The following TFCP2L1 variants were observed in gnomAD, a reference collection of about 807,000 sequenced individuals.
TFCP2L1 encodes the protein transcription factor CP2 like 1, also known as transcription factor CP2-like protein 1.
A neutral mutation model predicts 72.2 loss-of-function variants in TFCP2L1; 12 were observed. The observed-to-expected ratio is 0.17, with a 90% CI of 0.11 to 0.27. TFCP2L1 has a LOEUF of 0.27. Ranked by LOEUF, TFCP2L1 falls within the 10% of genes least tolerant of loss-of-function variation. The pLI is 1.00. For synonymous variants in TFCP2L1, 260 were observed against 251.0 expected, an observed-to-expected ratio of 1.04 and a Z score of -0.34; for missense variants, 488 against 624.6, an observed-to-expected ratio of 0.78 and a Z score of 2.33.
chr2:121,261,921 G>A (rs1237967616), intron 2 of TFCP2L1, among the ~76,000 whole-genome samples: 1 of 152,166 alleles, frequency 6.6e-6, no homozygotes, highest in Non-Finnish European at 1.5e-5. Context: ...CACTGCTGGG[G>A]ATACGATGTC....
intron 14 of TFCP2L1, 130 bp from the exon 15 acceptor site, chr2:121,224,517 C>A: frequency 1.2e-6 from 1 of 835,178 alleles, no homozygotes; most frequent in Non-Finnish European, 1.9e-6. Flanking sequence ...TACAGCAAAG[C>A]GTGCTGGCAG....
intron 13 of TFCP2L1, among the ~76,000 whole-genome samples, chr2:121,228,696 G>A (rs977082797): frequency 1.3e-5 from 2 of 149,250 alleles, no homozygotes; most frequent in African/African-American, 4.9e-5. Context: ...AGCCCAGGAG[G>A]TCGAGGCTGC....
chr2:121,252,449 G>A (rs79034266), intron 2 of TFCP2L1, among the ~76,000 whole-genome samples: 6,562 of 152,162 alleles, frequency 0.043, 217 homozygotes, highest in East Asian at 0.13. Context: ...CCTAATCCCC[G>A]GAACCTGGAA....
chr2:121,279,312 A>G (rs1298494944), intron 2 of TFCP2L1, among the ~76,000 whole-genome samples: 2 of 152,246 alleles, frequency 1.3e-5, no homozygotes, highest in African/African-American at 4.8e-5. Flanking sequence ...CTTCCATGAA[A>G]GTGAAAGGCA....
At chr2:121,267,955 A>G (rs1277877497) in intron 2 of TFCP2L1, among the ~76,000 whole-genome samples, 2 of 152,212 alleles carry the variant, frequency 1.3e-5, no homozygotes, top group African/African-American at 4.8e-5. Context: ...CCAAAGCAGG[A>G]GTTCAACACC....
chr2:121,251,024 T>A (rs552359922), intron 2 of TFCP2L1, among the ~76,000 whole-genome samples: 1 of 151,932 alleles, frequency 6.6e-6, no homozygotes, highest in African/African-American at 2.4e-5. Context: ...AGCACCCAGC[T>A]GAGGCAGGTG....
At chr2:121,232,018 T>C (rs780424792) in intron 12 of TFCP2L1, 50 bp from the exon 13 acceptor site, 1 of 1,535,458 alleles carries the variant, frequency 6.5e-7, no homozygotes, top group Non-Finnish European at 8.8e-7. Context: ...ATTCTGTCAG[T>C]GTGAGCCTCC....
intron 10 of TFCP2L1, among the ~76,000 whole-genome samples, chr2:121,235,643 C>T (rs957128360): frequency 4.1e-5 from 6 of 146,782 alleles, no homozygotes; most frequent in South Asian, 2.2e-4. Context: ...TGGTCTTGAA[C>T]TCCTGGGCTC....
intron 7 of TFCP2L1, 78 bp from the exon 8 acceptor site, chr2:121,239,727 T>C (rs1367029538): frequency 3.6e-6 from 5 of 1,376,430 alleles, no homozygotes; most frequent in Admixed American, 4.2e-5. Context: ...CAAGCAGGCA[T>C]GCACTGACAC....
At chr2:121,246,224 G>A (rs183940489) in intron 6 of TFCP2L1, among the ~76,000 whole-genome samples, 7 of 152,338 alleles carry the variant, frequency 4.6e-5, no homozygotes, top group Admixed American at 1.3e-4. Context: ...GAGCTCTATC[G>A]TTGGCTACTA....
chr2:121,258,774 T>C (rs1468563163), intron 2 of TFCP2L1, among the ~76,000 whole-genome samples: 1 of 152,120 alleles, frequency 6.6e-6, no homozygotes, highest in Non-Finnish European at 1.5e-5. Flanking sequence ...CTGAACTGGG[T>C]CTGGATCAAG....
In TFCP2L1 at chr2:121,239,620, C is replaced by A. The variant is rs1459308446; in HGVS notation, c.798G>T (p.Gln266His). The A allele has an allele frequency of 1.9e-6, 3 of 1,614,208 alleles. No homozygotes were observed. Among genetic ancestry groups the A allele is most frequent in the South Asian group, 2.2e-5 (2 of 91,078 alleles). ...AGCTTGGGGACGGGGCGCTGTTCAC[C>A]TGGTAGGCCACGTCGGGCCATGGAG... ...ECSPWPDVAYQVNSAPSPSYN... is the reference protein window; with the variant it reads ...ECSPWPDVAYHVNSAPSPSYN... Residue 266 changes from glutamine (Q) to histidine (H), a missense_variant, in exon 8 of 15, where the codon CAG becomes CAT. Coordinates refer to ENST00000263707, the MANE Select transcript of TFCP2L1 (RefSeq NM_014553.3).
At chr2:121,244,127 ACTC>A (rs1487066076) in intron 6 of TFCP2L1, among the ~76,000 whole-genome samples, 1 of 151,178 alleles carries the variant, frequency 6.6e-6, no homozygotes, top group Non-Finnish European at 1.5e-5. Context: ...CTCTCAGGAG[ACTC>A]CTCCTCCCTG....
intron 2 of TFCP2L1, among the ~76,000 whole-genome samples, chr2:121,251,315 G>A (rs369445220): frequency 1.8e-4 from 27 of 151,572 alleles, no homozygotes; most frequent in African/African-American, 5.3e-4. Context: ...CATCCCCCAC[G>A]GTGGCATCTG....
At chr2:121,250,969 GT>G (rs1045117104) in intron 2 of TFCP2L1, among the ~76,000 whole-genome samples, 9 of 150,494 alleles carry the variant, frequency 6.0e-5, no homozygotes, top group Non-Finnish European at 1.3e-4. Context: ...CTCTTAAGAA[GT>G]TACAAAAATA....
chr2:121,248,507 C>T (rs143610836), intron 4 of TFCP2L1, among the ~76,000 whole-genome samples: 1 of 152,300 alleles, frequency 6.6e-6, no homozygotes, highest in East Asian at 1.9e-4. Flanking sequence ...TATGACCGTG[C>T]TTGGCTGCCT....
chr2:121,239,476 G>A (rs571100712), intron 8 of TFCP2L1, 82 bp downstream of exon 8: 4 of 1,470,638 alleles, frequency 2.7e-6, no homozygotes, highest in African/African-American at 2.8e-5. Flanking sequence ...GAAAGGAGAG[G>A]AGACCCAGAA....
In TFCP2L1 at chr2:121,222,255, G is replaced by T. The variant is rs1009290149; in HGVS notation, c.*2086C>A. ...AAACAGTCTGGCAGTTTCTCAAAAA[G>T]TTAAAACACGGAGTTACTGTAAGAC... is the stretch of plus-strand genomic sequence containing the variant. On this transcript the variant is annotated 3_prime_UTR_variant, in exon 15 of 15. Coordinates refer to ENST00000263707, the MANE Select transcript of TFCP2L1 (RefSeq NM_014553.3). 6.6e-6 allele frequency: 1 copy of T among 152,230 alleles called. No homozygotes were observed. The highest frequency in any genetic ancestry group is 1.5e-5 in the Non-Finnish European group (1 of 68,042). 9.4% of individuals were successfully genotyped at this position (152,230 alleles called of 1,614,324 possible).
chr2:121,279,647 G>A lies in TFCP2L1; in HGVS notation c.214+1473C>T, dbSNP rs115172345. 3.2e-3 allele frequency among the ~76,000 whole-genome samples: 480 copies of A among 152,350 alleles called. 3 individuals are homozygous for A. The highest frequency in any genetic ancestry group is 0.011 in the African/African-American group (441 of 41,572). ...TTCAGCAGTAAGCAGAGAGCCTGAT[G>A]ACCAAGTTGGACTTCCACCCTGGCT... On this transcript the variant is annotated intron_variant, in intron 2 of 14. Coordinates refer to ENST00000263707, the MANE Select transcript of TFCP2L1 (RefSeq NM_014553.3).
Sources: allele counts gnomAD v4.1 joint callset (sites outside exome capture counted in the v4.1 genomes callset), GRCh38; gene constraint gnomAD v4.1.1; transcripts MANE v1.5; gene names NCBI Gene and HGNC (gene_info 2026-07-23, HGNC 2026-07-21).